RIMS2: variants seen among roughly 807,000 people sequenced by gnomAD.
RIMS2 encodes the protein regulating synaptic membrane exocytosis 2.
Under a neutral mutation model 174.4 loss-of-function variants are expected in RIMS2, and 59 were observed. That is an observed-to-expected ratio of 0.34 (90% CI 0.27 to 0.42). RIMS2 has a LOEUF of 0.42. Among genes scored for constraint, RIMS2 ranks in the 10% least tolerant of loss-of-function variants. RIMS2 has a pLI of 1.00. For missense variants in RIMS2, 1,620 were observed against 1,666.3 expected, an observed-to-expected ratio of 0.97 and a Z score of 0.48; for synonymous variants, 606 against 572.5, an observed-to-expected ratio of 1.06 and a Z score of -0.84.
intron 2 of RIMS2, among the ~76,000 whole-genome samples, chr8:103,728,231 C>G (rs2097547113): frequency 6.6e-6 from 1 of 151,938 alleles, no homozygotes; most frequent in East Asian, 1.9e-4. Context: ...ATTTCTTTTT[C>G]AGATTTTTTA....
intron 19 of RIMS2, among the ~76,000 whole-genome samples, chr8:104,113,221 A>G (rs889900305): frequency 1.3e-5 from 2 of 152,124 alleles, no homozygotes; most frequent in Non-Finnish European, 2.9e-5. Flanking sequence ...GGAGCTTTTT[A>G]AAAACATAAA....
At chr8:104,063,497 A>G (rs1476939957) in intron 19 of RIMS2, among the ~76,000 whole-genome samples, 1 of 152,200 alleles carries the variant, frequency 6.6e-6, no homozygotes, top group Non-Finnish European at 1.5e-5. Flanking sequence ...GAATATTTAT[A>G]TAAAAATAGA....
chr8:104,070,098 T>C (rs1342449216), intron 19 of RIMS2, among the ~76,000 whole-genome samples: 1 of 152,186 alleles, frequency 6.6e-6, no homozygotes, highest in Non-Finnish European at 1.5e-5. Context: ...CAAGAACTAA[T>C]TAAGTAAAGC....
chr8:103,687,918 G>T (rs1300186475), intron 1 of RIMS2, among the ~76,000 whole-genome samples: 1 of 151,816 alleles, frequency 6.6e-6, no homozygotes, highest in Non-Finnish European at 1.5e-5. Context: ...TTCACTGATG[G>T]ATACTTACAT....
intron 14 of RIMS2, among the ~76,000 whole-genome samples, chr8:103,957,525 C>T (rs973380418): frequency 3.9e-5 from 6 of 152,180 alleles, no homozygotes; most frequent in African/African-American, 1.4e-4. Flanking sequence ...TGAAACACCG[C>T]ATGTTCTCAT....
At chr8:104,025,857 T>C (rs576289257) in intron 19 of RIMS2, among the ~76,000 whole-genome samples, 24 of 152,318 alleles carry the variant, frequency 1.6e-4, no homozygotes, top group African/African-American at 5.8e-4. Context: ...TAAATACATA[T>C]ATACTTATTG....
At chr8:103,732,812 A>T (rs2097623042) in intron 2 of RIMS2, among the ~76,000 whole-genome samples, 1 of 152,116 alleles carries the variant, frequency 6.6e-6, no homozygotes, top group Admixed American at 6.5e-5. Context: ...GAATGCTTCA[A>T]ATCCTGAGTC....
intron 19 of RIMS2, among the ~76,000 whole-genome samples, chr8:104,227,121 T>G (rs1159604973): frequency 6.6e-6 from 1 of 152,042 alleles, no homozygotes; most frequent in Non-Finnish European, 1.5e-5. Flanking sequence ...TGAAGCTTAC[T>G]TCAGTGAGGA....
intron 1 of RIMS2, among the ~76,000 whole-genome samples, chr8:103,614,547 C>T (rs149917382): frequency 1.1e-4 from 16 of 152,264 alleles, no homozygotes; most frequent in South Asian, 2.1e-4. Context: ...TTGTGTGTGC[C>T]GATCATTGTT....
chr8:104,122,081 G>C (rs2098382989), intron 19 of RIMS2, among the ~76,000 whole-genome samples: 1 of 152,136 alleles, frequency 6.6e-6, no homozygotes, highest in Admixed American at 6.6e-5. Flanking sequence ...GCAAAATATT[G>C]GGTATAAGAT....
Position 104,176,706 on chromosome 8 carries a change from C to A in RIMS2, c.3335-68210C>A, listed in dbSNP as rs112698405. ...ATATCATTATATATGAATATATAAT[C>A]ATATATTTTCATATCATTATATATG... is the stretch of plus-strand genomic sequence containing the variant. On this transcript the variant is annotated intron_variant, in intron 19 of 23. Transcript: ENST00000504942. Among the ~76,000 whole-genome samples, 848 of 150,440 alleles carry A rather than the reference C, an allele frequency of 5.6e-3. 6 individuals are homozygous for A. Among genetic ancestry groups the A allele is most frequent in the African/African-American group, 0.019 (785 of 41,028 alleles).
intron 2 of RIMS2, among the ~76,000 whole-genome samples, chr8:103,749,377 G>T (rs902425393): frequency 6.6e-6 from 1 of 152,176 alleles, no homozygotes; most frequent in African/African-American, 2.4e-5. Context: ...CTCCCAAAGT[G>T]CTGGGATTAC....
intron 19 of RIMS2, among the ~76,000 whole-genome samples, chr8:104,106,336 G>T (rs909855602): frequency 2.0e-5 from 3 of 151,902 alleles, no homozygotes; most frequent in Non-Finnish European, 2.9e-5. Context: ...GTGATAACTG[G>T]TTATTCTATC....
In RIMS2 at chr8:103,961,135, TA is replaced by T; in HGVS notation, c.2770+4del. On this transcript the variant is annotated splice_donor_region_variant and intron_variant, in intron 15 of 23. Transcript: ENST00000504942. ...ATGATGGAATTGGTGTAGTATCAGG[TA>T]AGAATTTTAGAATTATTTTATAGTA... 1 of 1,306,900 alleles carries T rather than the reference TA, an allele frequency of 7.7e-7. No homozygotes were observed. The allele number at this position is 1,306,900 out of a possible 1,614,324, so 81.0% of individuals were successfully genotyped here. A position where few individuals can be genotyped will look rare whatever the true frequency, so the allele number is the denominator to read the frequency against.
Position 104,199,040 on chromosome 8 carries a change from CTTTTATTTTATTTTA to C in RIMS2, c.3335-45851_3335-45837del, listed in dbSNP as rs61341032. 1.8e-3 allele frequency among the ~76,000 whole-genome samples: 270 copies of C among 148,538 alleles called. 2 individuals are homozygous for C. Among genetic ancestry groups the C allele is most frequent in the African/African-American group, 3.7e-3 (148 of 40,272 alleles). ...TTATGGAGGGAGGCTTAAAATATAA[CTTTTATTTTATTTTA>C]TTTTATTTTATTTTATTTTATTTTG... is the stretch of plus-strand genomic sequence containing the variant. On this transcript the variant is annotated intron_variant, in intron 19 of 23. Coordinates refer to ENST00000504942, the Ensembl canonical transcript of RIMS2.
In RIMS2 at chr8:103,833,690, T is replaced by C. The variant is rs888448933; in HGVS notation, c.699-51608T>C. On this transcript the variant is annotated intron_variant, in intron 3 of 23. Coordinates refer to ENST00000504942, the Ensembl canonical transcript of RIMS2. ...ATATTTTATATTTTGTTCTAAAATT[T>C]CCATTTATTTTTTATAGCCACTATA... Among the ~76,000 whole-genome samples, 7 of 152,234 alleles carry C rather than the reference T, an allele frequency of 4.6e-5. No homozygotes were observed. The East Asian group carries it at 1.2e-3, about 25-fold the overall frequency.
At chr8:103,936,551 T>C (rs372179479) in exon 13 of RIMS2, 19 of 1,542,240 alleles carry the variant, frequency 1.2e-5, no homozygotes, top group Non-Finnish European at 1.2e-5. Flanking sequence ...TTTTCCATAG[T>C]GATAAAAACA....
At chr8:103,852,932 T>C (rs554822819) in intron 3 of RIMS2, among the ~76,000 whole-genome samples, 1 of 152,186 alleles carries the variant, frequency 6.6e-6, no homozygotes, top group South Asian at 2.1e-4. Flanking sequence ...GTAATCACAT[T>C]GCTGAGTGAA....
chr8:103,568,607 C>G, intron 1 of RIMS2: 1 of 557,096 alleles, frequency 1.8e-6, no homozygotes, highest in Non-Finnish European at 3.5e-6. Flanking sequence ...TAACTGTGAT[C>G]AGTTGTGACT....
Sources: gnomAD v4.1 joint callset for allele counts (sites outside exome capture counted in the v4.1 genomes callset) on GRCh38, gnomAD v4.1.1 for gene constraint, MANE v1.5 for transcripts, NCBI Gene and HGNC (gene_info 2026-07-23, HGNC 2026-07-21) for gene names.